The following TMPRSS15 variants were observed in gnomAD, a reference collection of about 807,000 sequenced individuals.
The protein encoded by TMPRSS15 is transmembrane serine protease 15, also known as enteropeptidase.
In TMPRSS15, 128 loss-of-function variants were observed where a neutral mutation model predicts 125.3. That is an observed-to-expected ratio of 1.02 (90% confidence interval 0.89 to 1.18). TMPRSS15 has a LOEUF of 1.18. TMPRSS15 is among the 50% of genes most tolerant of loss of function. The pLI is 0.00. For missense variants in TMPRSS15, 1,283 were observed against 1,212.7 expected (o/e 1.06, Z -0.86); for synonymous variants, 446 against 423.2 (o/e 1.05, Z -0.66).
At chr21:18,305,127 C>G (rs1374330291) in intron 18 of TMPRSS15, among the ~76,000 whole-genome samples, 1 of 149,974 alleles carries the variant, frequency 6.7e-6, no homozygotes, top group Admixed American at 6.6e-5. Flanking sequence ...GGGCCTTACG[C>G]TAGACTTTTG....
chr21:18,320,669 T>C (rs1348994265), intron 16 of TMPRSS15, among the ~76,000 whole-genome samples: 1 of 152,164 alleles, frequency 6.6e-6, no homozygotes, highest in African/African-American at 2.4e-5. Flanking sequence ...GATGAAAAAA[T>C]GCTGAATGGG....
rs531791292 is a variant in TMPRSS15 at position 18,318,295 on chromosome 21, T to C, written c.1922-3039A>G. On this transcript the variant is annotated intron_variant, in intron 16 of 24. Transcript: ENST00000284885. Reference sequence around the variant, plus strand: ...ACTATAAGAGGTGTATTGTCTATAGTGCAATATTCCAGGGCTGGTGGAACA... The same window carrying C: ...ACTATAAGAGGTGTATTGTCTATAGCGCAATATTCCAGGGCTGGTGGAACA... Among the ~76,000 whole-genome samples, 25 of 152,286 alleles carry C rather than the reference T, an allele frequency of 1.6e-4. 1 individual carries two copies. In the South Asian group the frequency reaches 5.0e-3, roughly 30 times the overall value.
chr21:18,323,095 T>C (rs2075255544), intron 16 of TMPRSS15, among the ~76,000 whole-genome samples: 1 of 152,156 alleles, frequency 6.6e-6, no homozygotes, highest in African/African-American at 2.4e-5. Flanking sequence ...TGACAATCCA[T>C]TTTCCTCTTT....
At chr21:18,381,602 A>C (rs1472404051) in intron 4 of TMPRSS15, among the ~76,000 whole-genome samples, 1 of 152,154 alleles carries the variant, frequency 6.6e-6, no homozygotes, top group Non-Finnish European at 1.5e-5. Context: ...AAAACAGTTT[A>C]TTACATTTGT....
chr21:18,403,345 T>C, intron 1 of TMPRSS15, 133 bp downstream of exon 1: 1 of 1,175,462 alleles, frequency 8.5e-7, no homozygotes, highest in Non-Finnish European at 1.3e-6. Context: ...AAGATTAATT[T>C]GAAATATTAG....
At chr21:18,352,821 T>A (rs991050711) in intron 10 of TMPRSS15, 82 bp downstream of exon 10, 1 of 1,403,358 alleles carries the variant, frequency 7.1e-7, no homozygotes, top group African/African-American at 1.4e-5. Context: ...CTGCTCACTT[T>A]ACACTGCAGT....
At chr21:18,308,841 G>A (rs1436530967) in intron 18 of TMPRSS15, among the ~76,000 whole-genome samples, 1 of 152,082 alleles carries the variant, frequency 6.6e-6, no homozygotes. Context: ...AATATGCAGT[G>A]TTTGGTTTTC....
intron 5 of TMPRSS15, among the ~76,000 whole-genome samples, chr21:18,374,977 G>T (rs1212892767): frequency 6.6e-6 from 1 of 152,158 alleles, no homozygotes; most frequent in African/African-American, 2.4e-5. Flanking sequence ...GCCATTAGTC[G>T]CAATAGTGAT....
intron 23 of TMPRSS15, among the ~76,000 whole-genome samples, chr21:18,277,286 G>A (rs148721502): frequency 5.9e-5 from 9 of 151,808 alleles, no homozygotes; most frequent in Admixed American, 2.6e-4. Flanking sequence ...ATAAGTAAAC[G>A]TAAGTCACAT....
chr21:18,434,895 G>C (rs927321624), intron 1 of TMPRSS15, among the ~76,000 whole-genome samples: 1 of 152,024 alleles, frequency 6.6e-6, no homozygotes, highest in Non-Finnish European at 1.5e-5. Flanking sequence ...GACAAATTGA[G>C]TCTTTCATCT....
intron 6 of TMPRSS15, among the ~76,000 whole-genome samples, chr21:18,365,706 C>CCTTCCTTCCT (rs2075728837): frequency 7.4e-6 from 1 of 135,160 alleles, no homozygotes; most frequent in Non-Finnish European, 1.6e-5. Context: ...TTCCTACCTT[C>CCTTCCTTCCT]TCTCTCTCTC....
chr21:18,460,331 C>A (rs903892804), intron 1 of TMPRSS15, among the ~76,000 whole-genome samples: 62 of 150,858 alleles, frequency 4.1e-4, no homozygotes, highest in African/African-American at 1.5e-3. Flanking sequence ...AAGTTTTATT[C>A]TGAATTATTA....
chr21:18,465,111 C>T (rs1280730119), intron 1 of TMPRSS15, among the ~76,000 whole-genome samples: 1 of 152,114 alleles, frequency 6.6e-6, no homozygotes, highest in Non-Finnish European at 1.5e-5. Context: ...TCAACATACA[C>T]AAATCAATAA....
intron 18 of TMPRSS15, among the ~76,000 whole-genome samples, chr21:18,305,484 G>T (rs918729108): frequency 6.6e-6 from 1 of 152,216 alleles, no homozygotes; most frequent in East Asian, 1.9e-4. Flanking sequence ...CACCACGCCC[G>T]GCCCCTTGAA....
intron 1 of TMPRSS15, among the ~76,000 whole-genome samples, chr21:18,457,104 C>A (rs181552167): frequency 1.9e-4 from 29 of 152,156 alleles, no homozygotes; most frequent in Admixed American, 1.1e-3. Flanking sequence ...GCCTCAATTT[C>A]CTATTGTGAA....
At chr21:18,374,799 C>G (rs2075827253) in intron 5 of TMPRSS15, among the ~76,000 whole-genome samples, 1 of 152,078 alleles carries the variant, frequency 6.6e-6, no homozygotes, top group African/African-American at 2.4e-5. Context: ...GGCTAGAACT[C>G]TCACAATGGC....
intron 1 of TMPRSS15, among the ~76,000 whole-genome samples, chr21:18,421,702 T>G (rs557182960): frequency 2.6e-4 from 39 of 152,230 alleles, no homozygotes; most frequent in Non-Finnish European, 4.6e-4. Context: ...GCTCTTCTCC[T>G]TAATCTATTT....
intron 6 of TMPRSS15, among the ~76,000 whole-genome samples, chr21:18,369,300 T>C (rs947412790): frequency 5.9e-5 from 9 of 152,162 alleles, no homozygotes; most frequent in African/African-American, 2.2e-4. Flanking sequence ...TCAAACATGA[T>C]CTATGCTCAC....
At chr21:18,443,348 A>T (rs991484164) in intron 1 of TMPRSS15, among the ~76,000 whole-genome samples, 4 of 152,120 alleles carry the variant, frequency 2.6e-5, no homozygotes, top group African/African-American at 9.7e-5. Context: ...TGAAGCTGGC[A>T]CCAGCCTGTC....
Sources: gnomAD v4.1 joint callset for allele counts (sites outside exome capture counted in the v4.1 genomes callset) on GRCh38, gnomAD v4.1.1 for gene constraint, MANE v1.5 for transcripts, NCBI Gene and HGNC (gene_info 2026-07-23, HGNC 2026-07-21) for gene names.